The following UTP18 variants were observed in gnomAD, a reference collection of about 807,000 sequenced individuals.
UTP18 encodes UTP18 small subunit processome component.
A neutral mutation model predicts 61.1 loss-of-function variants in UTP18; 36 were observed. That is an observed-to-expected ratio of 0.59 (90% CI 0.45 to 0.78). The LOEUF is 0.78. Among genes scored for constraint, UTP18 ranks in the 30% least tolerant of loss-of-function variants. The pLI is 0.00. For synonymous variants in UTP18, 282 were observed against 251.1 expected, an observed-to-expected ratio of 1.12 and a Z score of -1.16; for missense variants, 753 against 693.9, an observed-to-expected ratio of 1.09 and a Z score of -0.96.
Position 51,260,831 on chromosome 17 carries a change from G to A in UTP18, c.247G>A (p.Asp83Asn). The A allele has an allele frequency of 2.5e-6, 4 of 1,597,416 alleles. No individual in the cohort carries two copies. The highest frequency in any genetic ancestry group is 3.4e-6 in the Non-Finnish European group (4 of 1,172,954). ...GCGGAACCGCCTGAGGCTGGAGGAG[G>A]ACAAACCGGCCGTGGAGCGGTGCTT... ...RQRNRLRLEE[D>N]KPAVERCLEE... is the part of the protein sequence containing the mutation. The change falls in exon 1 of 14, where the codon GAC (aspartate) becomes AAC (asparagine). Residue 83 changes from aspartate to asparagine, a missense_variant. By Grantham distance (23) the Asp-to-Asn change is conservative. Coordinates refer to ENST00000225298, the MANE Select transcript of UTP18 (RefSeq NM_016001.3).
Position 51,280,382 on chromosome 17 carries a change from GT to G in UTP18, c.1114-3del. On this transcript the variant is annotated splice_polypyrimidine_tract_variant and splice_region_variant and intron_variant, in intron 8 of 13. Transcript: ENST00000225298. ...AACAGTTTGATAAATAATATTTATTGTTTTAGACCAAAGAACTGATTGGAAG... is the reference window on the plus strand; with the variant it reads ...AACAGTTTGATAAATAATATTTATTGTTTAGACCAAAGAACTGATTGGAAG... 1 of 1,613,064 alleles carries G rather than the reference GT, an allele frequency of 6.2e-7. No homozygotes were observed. The highest frequency in any genetic ancestry group is 2.2e-5 in the East Asian group (1 of 44,860).
At position 51,266,199 on chromosome 17, in the gene UTP18, A is replaced by T. The variant is rs200723298; in HGVS notation, c.473A>T (p.Asn158Ile). The T allele has an allele frequency of 1.9e-6, 3 of 1,595,452 alleles. No homozygotes were observed. The highest frequency in any genetic ancestry group is 2.3e-5 in the East Asian group (1 of 43,706). ...TTTTGTAGGGTTGACATGATGAACA[A>T]TCGGTTTCGGAAGGATATGATGAAA... ...EDEEMVDMMN[N>I]RFRKDMMKNA... Residue 158 changes from asparagine to isoleucine, a missense_variant, in exon 3 of 14, where the codon AAT (asparagine) becomes ATT (isoleucine). Coordinates refer to ENST00000225298, the MANE Select transcript of UTP18 (RefSeq NM_016001.3).
At chr17:51,280,278 A>C (rs1160035253) in intron 8 of UTP18, 111 bp from the exon 9 acceptor site, 1 of 1,360,338 alleles carries the variant, frequency 7.4e-7, no homozygotes, top group Non-Finnish European at 1.0e-6. Context: ...ACAGGGAAAA[A>C]TAAAGTTGAG....
At chr17:51,267,869 C>T (rs886598910) in intron 3 of UTP18, among the ~76,000 whole-genome samples, 1 of 152,022 alleles carries the variant, frequency 6.6e-6, no homozygotes, top group African/African-American at 2.4e-5. Context: ...AAATTTGTTT[C>T]ATATATTTTG....
intron 2 of UTP18, among the ~76,000 whole-genome samples, chr17:51,265,635 C>T (rs2055553485): frequency 7.7e-6 from 1 of 130,138 alleles, no homozygotes; most frequent in South Asian, 2.7e-4. Flanking sequence ...ACAATCTGGG[C>T]TCATTTCAAC....
chr17:51,262,687 G>A (rs978486919), intron 1 of UTP18, among the ~76,000 whole-genome samples: 2 of 151,840 alleles, frequency 1.3e-5, no homozygotes, highest in Admixed American at 6.6e-5. Flanking sequence ...AGTTAGCTGG[G>A]GCCACAGGTG....
chr17:51,288,021 CTT>C lies in UTP18; in HGVS notation c.1329-6_1329-5del. On this transcript the variant is annotated splice_polypyrimidine_tract_variant and splice_region_variant and intron_variant, in intron 10 of 13. Coordinates refer to ENST00000225298, the MANE Select transcript of UTP18 (RefSeq NM_016001.3). Reference sequence around the variant, plus strand: ...TTTTAATCTATTTTAATCCTTTTCTCTTTGTAGTTCTAATTGTGGAGTGGTAA... The same window carrying C: ...TTTTAATCTATTTTAATCCTTTTCTCTGTAGTTCTAATTGTGGAGTGGTAA... The C allele has an allele frequency of 6.4e-7, 1 of 1,558,632 alleles. No homozygotes were observed. Among genetic ancestry groups the C allele is most frequent in the Non-Finnish European group, 8.6e-7 (1 of 1,159,868 alleles).
chr17:51,282,638 G>A (rs1019681445), intron 9 of UTP18, among the ~76,000 whole-genome samples: 9 of 152,058 alleles, frequency 5.9e-5, no homozygotes, highest in African/African-American at 2.2e-4. Context: ...AAAGAGGTGG[G>A]GAGGGTTGGT....
chr17:51,273,570 T>C, intron 5 of UTP18, 120 bp downstream of exon 5: 1 of 678,374 alleles, frequency 1.5e-6, no homozygotes, highest in Non-Finnish European at 2.3e-6. Flanking sequence ...TTTGCTGTCA[T>C]TTTGCCCTGG....
At chr17:51,282,800 A>G (rs888245292) in intron 9 of UTP18, among the ~76,000 whole-genome samples, 8 of 151,670 alleles carry the variant, frequency 5.3e-5, no homozygotes, top group Admixed American at 3.3e-4. Flanking sequence ...GTTAGGGGTA[A>G]TTTTGAAATG....
At chr17:51,266,638 G>A (rs539275747) in intron 3 of UTP18, among the ~76,000 whole-genome samples, 2 of 152,124 alleles carry the variant, frequency 1.3e-5, no homozygotes, top group African/African-American at 4.8e-5. Context: ...TGTATTTGGG[G>A]GATGTGTGTG....
intron 3 of UTP18, among the ~76,000 whole-genome samples, chr17:51,266,767 T>C (rs1021577627): frequency 6.6e-6 from 1 of 152,238 alleles, no homozygotes; most frequent in African/African-American, 2.4e-5. Flanking sequence ...ACCATTGTCA[T>C]ACCTAAGAAA....
At chr17:51,284,275 T>C (rs776702046) in intron 9 of UTP18, among the ~76,000 whole-genome samples, 14 of 152,184 alleles carry the variant, frequency 9.2e-5, no homozygotes, top group Non-Finnish European at 1.8e-4. Flanking sequence ...AGGAAGGATA[T>C]TGAGGTACTA....
At chr17:51,279,526 A>G (rs1456226692) in intron 7 of UTP18, among the ~76,000 whole-genome samples, 3 of 151,824 alleles carry the variant, frequency 2.0e-5, no homozygotes, top group African/African-American at 7.3e-5. Context: ...TTGACTCACA[A>G]AGTTAAAGAT....
At chr17:51,283,030 A>G (rs6504704) in intron 9 of UTP18, among the ~76,000 whole-genome samples, 96,281 of 150,606 alleles carry the variant, frequency 0.64, 31,311 homozygotes, top group African/African-American at 0.78. Context: ...CGCCATACCC[A>G]GCTAATTTTT....
At chr17:51,278,007 C>A (rs1481198495) in intron 7 of UTP18, among the ~76,000 whole-genome samples, 1 of 152,132 alleles carries the variant, frequency 6.6e-6, no homozygotes, top group Non-Finnish European at 1.5e-5. Flanking sequence ...ACTGTACATG[C>A]ATGTGGCTGG....
At chr17:51,291,046 C>T (rs117832768) in intron 11 of UTP18, among the ~76,000 whole-genome samples, 40 of 152,208 alleles carry the variant, frequency 2.6e-4, no homozygotes, top group Non-Finnish European at 5.3e-4. Context: ...CAAGGATGAG[C>T]GAGCTTTTAC....
rs117604377 is a variant in UTP18 at position 51,285,973 on chromosome 17, G to C, written c.1328+605G>C. Among the ~76,000 whole-genome samples the C allele has an allele frequency of 6.4e-4, 98 of 152,290 alleles. 1 individual carries two copies. In the East Asian group the frequency reaches 0.017, roughly 26 times the overall value. ...TAAAATACCTGTTTGATCACATCAA[G>C]TTTTCCTATAATTATTTTCAGCTTC... On this transcript the variant is annotated intron_variant, in intron 10 of 13. Coordinates refer to ENST00000225298, the MANE Select transcript of UTP18 (RefSeq NM_016001.3).
intron 10 of UTP18, among the ~76,000 whole-genome samples, chr17:51,287,549 G>A (rs1192247883): frequency 6.6e-6 from 1 of 152,184 alleles, no homozygotes; most frequent in Non-Finnish European, 1.5e-5. Context: ...AATTGTCATT[G>A]AAGGGAGGCG....
Sources: allele counts gnomAD v4.1 joint callset (sites outside exome capture counted in the v4.1 genomes callset), GRCh38; gene constraint gnomAD v4.1.1; transcripts MANE v1.5; gene names NCBI Gene and HGNC (gene_info 2026-07-23, HGNC 2026-07-21).